SLC30A4: variants seen among roughly 807,000 people sequenced by gnomAD.
SLC30A4 encodes probable proton-coupled zinc antiporter SLC30A4.
A neutral mutation model predicts 41.7 loss-of-function variants in SLC30A4; 20 were observed. That is an observed-to-expected ratio of 0.48 (90% CI 0.34 to 0.70). The LOEUF (loss-of-function observed/expected upper bound fraction) is 0.70. Among genes scored for constraint, SLC30A4 ranks in the 30% least tolerant of loss-of-function variants. The pLI, the probability that SLC30A4 is intolerant of heterozygous loss-of-function variation, is 0.01. For synonymous variants in SLC30A4, 181 were observed against 195.9 expected, an observed-to-expected ratio of 0.92 and a Z score of 0.64; for missense variants, 441 against 529.3, an observed-to-expected ratio of 0.83 and a Z score of 1.64.
chr15:45,519,927 A>G (rs1892611581), intron 2 of SLC30A4, among the ~76,000 whole-genome samples: 1 of 152,242 alleles, frequency 6.6e-6, no homozygotes, highest in Non-Finnish European at 1.5e-5. Context: ...TGCTGAGACC[A>G]TGGTGCTTTA....
chr15:45,500,529 A>C (rs1891998379), intron 3 of SLC30A4, among the ~76,000 whole-genome samples: 1 of 152,126 alleles, frequency 6.6e-6, no homozygotes, highest in South Asian at 2.1e-4. Flanking sequence ...TTCCCTTCTG[A>C]CAAATTTCTT....
chr15:45,486,662 T>C lies in SLC30A4; in HGVS notation c.1084A>G (p.Ile362Val). 1.9e-6 allele frequency: 3 copies of C among 1,605,672 alleles called. No homozygotes were observed. The highest frequency in any genetic ancestry group is 2.6e-6 in the Non-Finnish European group (3 of 1,176,308). The change falls in exon 7 of 8, where the codon ATC becomes GTC. Residue 362 changes from isoleucine (I) to valine (V), a missense_variant. Around this residue, in one of 3 missense-constraint regions of SLC30A4, gnomAD observed 100 missense variants for 121.0 expected, o/e 0.83. Coordinates refer to ENST00000261867, the MANE Select transcript of SLC30A4 (RefSeq NM_013309.6). ...GATTTTCCTGAAGTGAGAGACCAGA[T>C]ATTTAAATCTTCGACTGAATATACA... ...EDVYSVEDLN[I>V]WSLTSGKSTA...
rs1379548784 is a variant in SLC30A4 at position 45,479,788 on chromosome 15, ATACTT to A, written c.*5370_*5374del. Reference sequence around the variant, plus strand: ...ATTTAATAAACCACATGGCAAAACAATACTTTAATAAGTGTATAGGAAATTACAAT... The same window carrying A: ...ATTTAATAAACCACATGGCAAAACAATAATAAGTGTATAGGAAATTACAAT... On this transcript the variant is annotated 3_prime_UTR_variant, in exon 8 of 8. Transcript: ENST00000261867. 3 of 151,954 alleles carry A rather than the reference ATACTT, an allele frequency of 2.0e-5. No individual in the cohort carries two copies. Among genetic ancestry groups the A allele is most frequent in the Non-Finnish European group, 4.4e-5 (3 of 67,974 alleles). The allele number at this position is 151,954 out of a possible 1,614,324, so 9.4% of individuals were successfully genotyped here. A position where few individuals can be genotyped will look rare whatever the true frequency, so the allele number is the denominator to read the frequency against.
intron 3 of SLC30A4, among the ~76,000 whole-genome samples, chr15:45,492,822 T>C (rs1289382291): frequency 1.3e-5 from 2 of 152,196 alleles, no homozygotes; most frequent in Non-Finnish European, 2.9e-5. Context: ...CATAAAAAAC[T>C]AGTTATCTTG....
At chr15:45,509,600 CTT>C (rs1301760232) in intron 3 of SLC30A4, among the ~76,000 whole-genome samples, 1 of 151,728 alleles carries the variant, frequency 6.6e-6, no homozygotes, top group Non-Finnish European at 1.5e-5. Flanking sequence ...AAAAGAAAAA[CTT>C]CACTTGGGGC....
At chr15:45,520,027 C>G (rs991705233) in intron 2 of SLC30A4, among the ~76,000 whole-genome samples, 2 of 152,086 alleles carry the variant, frequency 1.3e-5, no homozygotes, top group Admixed American at 1.3e-4. Flanking sequence ...ATTAATTCAA[C>G]AAGTTTATTG....
intron 3 of SLC30A4, among the ~76,000 whole-genome samples, chr15:45,510,480 C>T (rs1439871858): frequency 6.6e-6 from 1 of 152,156 alleles, no homozygotes; most frequent in Non-Finnish European, 1.5e-5. Flanking sequence ...TTGGGTTCTA[C>T]TTTTGAGTCT....
intron 5 of SLC30A4, among the ~76,000 whole-genome samples, chr15:45,488,002 T>TGTGTGTGTGTGTG (rs1891741738): frequency 7.4e-6 from 1 of 135,238 alleles, no homozygotes; most frequent in African/African-American, 2.8e-5. Context: ...TGTGTGTGTG[T>TGTGTGTGTGTGTG]TGCCCAGGTT....
chr15:45,502,566 A>G (rs1768458), intron 3 of SLC30A4: 31,272 of 151,232 alleles, frequency 0.21, 4,703 homozygotes, highest in African/African-American at 0.43. Flanking sequence ...TCTTTTTATA[A>G]AGACGGGATC....
rs754769214 is a variant in SLC30A4, at chr15:45,522,213, C to T, written c.142G>A (p.Val48Ile). Reference protein sequence around the residue: ...EGLSRFNKLRVVVADDGSEAP... With the variant: ...EGLSRFNKLRIVVADDGSEAP... ...TCGGAACCGTCATCGGCCACCACAA[C>T]TCGAAGTTTGTTGAACCGAGAAAGC... Residue 48 changes from valine to isoleucine, a missense_variant, in exon 2 of 8, where the codon GTT becomes ATT. Val to Ile is a conservative substitution (Grantham distance 29). Around this residue, in one of 3 missense-constraint regions of SLC30A4, gnomAD observed 312 missense variants for 341.9 expected, o/e 0.91. Transcript: ENST00000261867. 1 of 1,614,240 alleles carries T rather than the reference C, an allele frequency of 6.2e-7. No homozygotes were observed. The highest frequency in any genetic ancestry group is 1.1e-5 in the South Asian group (1 of 91,092).
intron 7 of SLC30A4, 25 bp from the exon 8 acceptor site, chr15:45,485,342 A>G (rs1223009836): frequency 6.5e-7 from 1 of 1,546,462 alleles, no homozygotes; most frequent in Admixed American, 1.7e-5. Context: ...AAATATCATT[A>G]CTATCCATTG....
At chr15:45,503,721 C>A (rs1272061556) in intron 3 of SLC30A4, among the ~76,000 whole-genome samples, 1 of 152,062 alleles carries the variant, frequency 6.6e-6, no homozygotes, top group Non-Finnish European at 1.5e-5. Context: ...CCGAGGTGGG[C>A]AGATCACCTG....
At position 45,486,091 on chromosome 15, in the gene SLC30A4, C is replaced by T. The variant is rs139551704; in HGVS notation, c.1135+520G>A. Among the ~76,000 whole-genome samples, 64 of 150,012 alleles carry T rather than the reference C, an allele frequency of 4.3e-4. 3 individuals are homozygous for T. In the East Asian group the frequency reaches 0.012, roughly 28 times the overall value. ...AGACTAGACTGCAGTGGCGCAATCT[C>T]GGCTCACTGCAACCTCCGCTTCATG... is the stretch of plus-strand genomic sequence containing the variant. On this transcript the variant is annotated intron_variant, in intron 7 of 7. Coordinates refer to ENST00000261867, the MANE Select transcript of SLC30A4 (RefSeq NM_013309.6).
chr15:45,519,559 T>C (rs918646806), intron 2 of SLC30A4: 1 of 152,240 alleles, frequency 6.6e-6, no homozygotes, highest in Non-Finnish European at 1.5e-5. Flanking sequence ...GAACTCTATA[T>C]AACATTTTGA....
intron 3 of SLC30A4, among the ~76,000 whole-genome samples, chr15:45,493,123 T>G (rs1891842857): frequency 6.6e-6 from 1 of 151,988 alleles, no homozygotes; most frequent in Non-Finnish European, 1.5e-5. Flanking sequence ...AATACAAAAA[T>G]TAGCTGGGCA....
At chr15:45,497,514 T>C (rs16944305) in intron 3 of SLC30A4, among the ~76,000 whole-genome samples, 13,376 of 152,202 alleles carry the variant, frequency 0.088, 1,934 homozygotes, top group African/African-American at 0.3. Context: ...TCTTTTCATT[T>C]GGCTGAAATA....
Position 45,485,037 on chromosome 15 carries a change from G to T in SLC30A4, c.*126C>A. On this transcript the variant is annotated 3_prime_UTR_variant, in exon 8 of 8. Transcript: ENST00000261867. ...CACTGTCAGGCTGGGGCAACTGTTT[G>T]AGAGACTGATGCTTGATACGGACAC... The T allele has an allele frequency of 1.4e-6, 1 of 698,244 alleles. No individual in the cohort carries two copies. The highest frequency in any genetic ancestry group is 2.4e-6 in the Non-Finnish European group (1 of 421,396). The allele number at this position is 698,244 out of a possible 1,614,324, so 43.3% of individuals were successfully genotyped here.
chr15:45,491,024 T>C (rs1174300279), intron 3 of SLC30A4, 143 bp from the exon 4 acceptor site: 4 of 559,896 alleles, frequency 7.1e-6, no homozygotes, highest in Non-Finnish European at 1.2e-5. Flanking sequence ...TCATTTTTCT[T>C]ATTTATTTTT....
intron 3 of SLC30A4, among the ~76,000 whole-genome samples, chr15:45,496,270 T>C (rs1323939377): frequency 1.3e-5 from 2 of 152,188 alleles, no homozygotes; most frequent in East Asian, 3.8e-4. Flanking sequence ...CATAATATTC[T>C]TAACATGATG....
Sources: allele counts gnomAD v4.1 joint callset (sites outside exome capture counted in the v4.1 genomes callset), GRCh38; gene constraint gnomAD v4.1.1; regional missense constraint gnomAD v4.1.1; transcripts MANE v1.5; gene names NCBI Gene and HGNC (gene_info 2026-07-23, HGNC 2026-07-21).